The following DNAJC25 variants were observed in gnomAD, a reference collection of about 807,000 sequenced individuals.
DNAJC25 encodes dnaJ homolog subfamily C member 25.
DNAJC25 carries 26 observed loss-of-function variants against 42.1 expected under a neutral mutation model. That is an observed-to-expected ratio of 0.62 (90% CI 0.45 to 0.86). The LOEUF is 0.86. Among genes scored for constraint, DNAJC25 ranks in the 40% least tolerant of loss-of-function variants. The probability of loss-of-function intolerance (pLI) is 0.00; values close to 1 mark genes in which losing one functional copy is unlikely to be tolerated. For synonymous variants in DNAJC25, 189 were observed against 179.9 expected, an observed-to-expected ratio of 1.05 and a Z score of -0.40; for missense variants, 404 against 459.4, an observed-to-expected ratio of 0.88 and a Z score of 1.10.
At chr9:111,651,363 T>A (rs1358407654) in intron 3 of DNAJC25, among the ~76,000 whole-genome samples, 1 of 152,176 alleles carries the variant, frequency 6.6e-6, no homozygotes, top group Non-Finnish European at 1.5e-5. Context: ...AAGTACTTTT[T>A]TAAAAGTTTA....
intron 1 of DNAJC25, among the ~76,000 whole-genome samples, chr9:111,635,944 T>C (rs888749176): frequency 1.3e-5 from 2 of 152,252 alleles, no homozygotes; most frequent in Non-Finnish European, 2.9e-5. Flanking sequence ...TCGTTCCTTA[T>C]ATTCTCTTAC....
chr9:111,639,657 T>G (rs1830414415), intron 1 of DNAJC25, among the ~76,000 whole-genome samples: 1 of 151,586 alleles, frequency 6.6e-6, no homozygotes, highest in South Asian at 2.1e-4. Context: ...GAGGTTGTTT[T>G]TTTTTTTTGA....
At chr9:111,637,564 T>A (rs1379060119) in intron 1 of DNAJC25, among the ~76,000 whole-genome samples, 1 of 152,228 alleles carries the variant, frequency 6.6e-6, no homozygotes, top group East Asian at 1.9e-4. Context: ...TTCATTTTGC[T>A]TCCTTTAAAA....
chr9:111,645,736 T>A (rs1224301182), intron 1 of DNAJC25, among the ~76,000 whole-genome samples: 3 of 152,208 alleles, frequency 2.0e-5, no homozygotes, highest in Non-Finnish European at 2.9e-5. Flanking sequence ...TTGAAATGCC[T>A]TTAGCTAGGA....
rs1234808504 is a variant in DNAJC25 at position 111,635,961 on chromosome 9, C to G, written c.336+4218C>G. On this transcript the variant is annotated intron_variant, in intron 1 of 3. Transcript: ENST00000313525. Reference sequence around the variant, plus strand: ...GTTCCTTATATTCTCTTACTCAACCCCTTCTTTAACTGGGACTGACATAGG... The same window carrying G: ...GTTCCTTATATTCTCTTACTCAACCGCTTCTTTAACTGGGACTGACATAGG... Among the ~76,000 whole-genome samples the G allele has an allele frequency of 3.3e-5, 5 of 152,196 alleles. No homozygotes were observed. In the East Asian group the frequency reaches 5.8e-4, roughly 18 times the overall value.
intron 1 of DNAJC25, among the ~76,000 whole-genome samples, chr9:111,639,974 C>T (rs1830425539): frequency 6.6e-6 from 1 of 150,538 alleles, no homozygotes; most frequent in Admixed American, 6.7e-5. Context: ...CCATGGTCTC[C>T]CTCTCATGCG....
chr9:111,641,723 T>G (rs1373371885), intron 1 of DNAJC25, among the ~76,000 whole-genome samples: 2 of 98,880 alleles, frequency 2.0e-5, no homozygotes, highest in African/African-American at 4.5e-5. Flanking sequence ...GTCCGGGAGG[T>G]GAGGGGCGCC....
chr9:111,640,835 G>C (rs7034350), intron 1 of DNAJC25, among the ~76,000 whole-genome samples: 13 of 121,976 alleles, frequency 1.1e-4, no homozygotes, highest in African/African-American at 3.5e-4. Flanking sequence ...GGAGGGAGGT[G>C]GGGGGGGCCA....
chr9:111,636,232 G>A (rs1329235826), intron 1 of DNAJC25, among the ~76,000 whole-genome samples: 2 of 152,146 alleles, frequency 1.3e-5, no homozygotes, highest in East Asian at 3.9e-4. Context: ...TGGTAGAGGG[G>A]AAACTTGATC....
chr9:111,645,330 C>A (rs939112733), intron 1 of DNAJC25, among the ~76,000 whole-genome samples: 20 of 151,542 alleles, frequency 1.3e-4, no homozygotes, highest in Non-Finnish European at 4.4e-5. Flanking sequence ...TCTCGGCTCA[C>A]TGCAACCTCC....
At chr9:111,650,075 T>TAA in intron 3 of DNAJC25, 152 bp downstream of exon 3, 1 of 685,114 alleles carries the variant, frequency 1.5e-6, no homozygotes, top group Non-Finnish European at 2.2e-6. Flanking sequence ...AGTAGGACTC[T>TAA]ATTTGGTAGT....
At chr9:111,645,455 A>T (rs909014036) in intron 1 of DNAJC25, among the ~76,000 whole-genome samples, 1 of 152,154 alleles carries the variant, frequency 6.6e-6, no homozygotes, top group Non-Finnish European at 1.5e-5. Flanking sequence ...GGATTTTGCC[A>T]TGTTGGCCAG....
At chr9:111,640,944 G>T (rs1830447740) in intron 1 of DNAJC25, among the ~76,000 whole-genome samples, 1 of 99,832 alleles carries the variant, frequency 1.0e-5, no homozygotes, top group Non-Finnish European at 1.8e-5. Context: ...CCGTCCGGGA[G>T]GGAGGTGGGG....
At chr9:111,647,019 A>C in intron 1 of DNAJC25, 88 bp from the exon 2 acceptor site, 1 of 1,359,358 alleles carries the variant, frequency 7.4e-7, no homozygotes, top group East Asian at 2.6e-5. Context: ...TTACATAATT[A>C]TAAAATTCTA....
chr9:111,644,527 C>T (rs141582679), intron 1 of DNAJC25, among the ~76,000 whole-genome samples: 2 of 152,278 alleles, frequency 1.3e-5, no homozygotes, highest in East Asian at 3.9e-4. Context: ...CACATGATGT[C>T]CGCTTACCAG....
chr9:111,645,760 A>G (rs1243188916), intron 1 of DNAJC25, among the ~76,000 whole-genome samples: 4 of 152,146 alleles, frequency 2.6e-5, no homozygotes, highest in Non-Finnish European at 5.9e-5. Context: ...TGCAGTTAAT[A>G]AATGTTGAAT....
intron 2 of DNAJC25, among the ~76,000 whole-genome samples, chr9:111,647,709 T>C (rs545304574): frequency 6.6e-6 from 1 of 152,368 alleles, no homozygotes; most frequent in Non-Finnish European, 1.5e-5. Flanking sequence ...CATTTCTGTG[T>C]GCCCCTTTAA....
intron 1 of DNAJC25, among the ~76,000 whole-genome samples, chr9:111,641,674 T>C (rs1334680761): frequency 5.2e-5 from 1 of 19,162 alleles, no homozygotes; most frequent in Non-Finnish European, 9.8e-5. Context: ...GGGAGGGAGG[T>C]GGGGGGGGGG....
chr9:111,639,458 T>C (rs1830411545), intron 1 of DNAJC25, among the ~76,000 whole-genome samples: 1 of 152,132 alleles, frequency 6.6e-6, no homozygotes. Context: ...CAAGCATTAC[T>C]AGTATGTAGG....
Sources: gnomAD v4.1 joint callset for allele counts (sites outside exome capture counted in the v4.1 genomes callset) on GRCh38, gnomAD v4.1.1 for gene constraint, MANE v1.5 for transcripts, NCBI Gene and HGNC (gene_info 2026-07-23, HGNC 2026-07-21) for gene names.